The following C16orf89 variants were observed in gnomAD, a reference collection of about 807,000 sequenced individuals.
C16orf89 encodes UPF0764 protein C16orf89.
Under a neutral mutation model 41.5 loss-of-function variants are expected in C16orf89, and 57 were observed. The ratio of observed to expected loss-of-function variants is 1.38; its 90% CI spans 1.11 to 1.71. The LOEUF is 1.71. C16orf89 is among the 40% of genes most tolerant of loss of function. The probability of loss-of-function intolerance (pLI) is 0.00; values close to 1 mark genes in which losing one functional copy is unlikely to be tolerated. For missense variants in C16orf89, 575 were observed against 445.9 expected, an observed-to-expected ratio of 1.29 and a Z score of -2.61; for synonymous variants, 223 against 190.6, an observed-to-expected ratio of 1.17 and a Z score of -1.40.
intron 3 of C16orf89, among the ~76,000 whole-genome samples, chr16:5,059,208 A>T (rs535012897): frequency 6.6e-6 from 1 of 152,118 alleles, no homozygotes; most frequent in East Asian, 2.0e-4. Flanking sequence ...TTGAGATCGC[A>T]TCACTGCACT....
At chr16:5,061,804 G>C (rs1956633002) in intron 2 of C16orf89, among the ~76,000 whole-genome samples, 1 of 152,150 alleles carries the variant, frequency 6.6e-6, no homozygotes, top group South Asian at 2.1e-4. Flanking sequence ...GTGGGGAGCA[G>C]AGGGGACAGG....
chr16:5,054,454 C>T (rs1427545154), intron 6 of C16orf89, among the ~76,000 whole-genome samples: 1 of 152,206 alleles, frequency 6.6e-6, no homozygotes, highest in Non-Finnish European at 1.5e-5. Flanking sequence ...TCCTGGACTT[C>T]TCTTCTTCCT....
At chr16:5,053,401 G>T (rs372613039) in intron 6 of C16orf89, among the ~76,000 whole-genome samples, 1 of 151,816 alleles carries the variant, frequency 6.6e-6, no homozygotes, top group African/African-American at 2.4e-5. Flanking sequence ...TTGAATAGTG[G>T]TTACTAGAGG....
chr16:5,061,478 C>A (rs1596704944), intron 2 of C16orf89, among the ~76,000 whole-genome samples: 1 of 19,212 alleles, frequency 5.2e-5, no homozygotes, highest in South Asian at 2.6e-3. Flanking sequence ...GAGTGAGACA[C>A]TGTCTCAAAA....
At chr16:5,043,648 C>T (rs898852928), downstream of C16orf89, 10 of 152,094 alleles carry the variant, frequency 6.6e-5, no homozygotes, top group African/African-American at 2.4e-4. Context: ...TTTCCAAGAC[C>T]CTTCCTTCTC....
At chr16:5,044,714 C>T (rs763615927) in intron 7 of C16orf89, 39 of 986,000 alleles carry the variant, frequency 4.0e-5, no homozygotes, top group Non-Finnish European at 5.4e-5. Flanking sequence ...TATGGTGGCA[C>T]GCTCCTGTAG....
chr16:5,050,383 A>G (rs1422814866), intron 6 of C16orf89, among the ~76,000 whole-genome samples: 4 of 152,104 alleles, frequency 2.6e-5, no homozygotes, highest in African/African-American at 9.7e-5. Flanking sequence ...AAAAAAAGAA[A>G]ACCTAGTGGA....
At chr16:5,052,829 C>G (rs1364179981) in intron 6 of C16orf89, among the ~76,000 whole-genome samples, 1 of 152,160 alleles carries the variant, frequency 6.6e-6, no homozygotes, top group African/African-American at 2.4e-5. Flanking sequence ...TCTGCACCCC[C>G]ATGTTTATTG....
rs368563305 is a variant in C16orf89 at position 5,062,353 on chromosome 16, C to T, written c.358+72G>A. The T allele has an allele frequency of 1.3e-5, 20 of 1,491,284 alleles. No individual in the cohort carries two copies. The African/African-American group carries it at 1.5e-4, about 11-fold the overall frequency. The allele number at this position is 1,491,284 out of a possible 1,614,324, so 92.4% of individuals were successfully genotyped here. On this transcript the variant is annotated intron_variant, in intron 2 of 7. Coordinates refer to ENST00000472572, the MANE Select transcript of C16orf89 (RefSeq NM_001098514.3). ...CCCAGCCTTGCCCCAGGAGAGCCCA[C>T]GCTGGGTTATTTCAGTCAATATCCC... is the stretch of plus-strand genomic sequence containing the variant.
chr16:5,052,210 G>T (rs1310520306), intron 6 of C16orf89, among the ~76,000 whole-genome samples: 1 of 151,646 alleles, frequency 6.6e-6, no homozygotes, highest in African/African-American at 2.4e-5. Flanking sequence ...TATGAAAAAC[G>T]CTCACTATCC....
intron 6 of C16orf89, among the ~76,000 whole-genome samples, chr16:5,053,893 T>A (rs1567153754): frequency 6.6e-6 from 1 of 152,180 alleles, no homozygotes; most frequent in Non-Finnish European, 1.5e-5. Context: ...CACAAAGAAA[T>A]GACAGATGTT....
intron 6 of C16orf89, among the ~76,000 whole-genome samples, chr16:5,048,946 G>A (rs1200882064): frequency 6.6e-6 from 1 of 151,982 alleles, no homozygotes; most frequent in Non-Finnish European, 1.5e-5. Flanking sequence ...GAAAAAAAAC[G>A]ACCCAACTAT....
chr16:5,054,559 C>T (rs1956454514), intron 6 of C16orf89, among the ~76,000 whole-genome samples: 2 of 152,194 alleles, frequency 1.3e-5, no homozygotes, highest in African/African-American at 4.8e-5. Context: ...CCTCAGGCCT[C>T]TAGTTTTCCC....
chr16:5,063,035 A>C lies in C16orf89; in HGVS notation c.209-461T>G, dbSNP rs185922540. 4.1e-3 allele frequency among the ~76,000 whole-genome samples: 618 copies of C among 152,316 alleles called. 4 individuals are homozygous for C. Among genetic ancestry groups the C allele is most frequent in the Non-Finnish European group, 5.6e-3 (380 of 68,028 alleles). ...CAGCAGATGGCTGTCAAGTGACTTC[A>C]GGAAGGAAGTGCCTTTTTCTAATTC... On this transcript the variant is annotated intron_variant, in intron 1 of 7. Transcript: ENST00000472572.
chr16:5,044,623 C>G, intron 7 of C16orf89, 145 bp from the exon 8 acceptor site: 1 of 1,451,190 alleles, frequency 6.9e-7, no homozygotes, highest in South Asian at 1.2e-5. Context: ...GGGCGGATCT[C>G]TTGAGATCAG....
intron 6 of C16orf89, among the ~76,000 whole-genome samples, chr16:5,049,135 G>A (rs927982645): frequency 5.9e-5 from 9 of 152,184 alleles, no homozygotes; most frequent in African/African-American, 2.2e-4. Flanking sequence ...ATTATATAAT[G>A]ATAAGGAATT....
intron 1 of C16orf89, among the ~76,000 whole-genome samples, 177 bp from the exon 2 acceptor site, chr16:5,062,751 T>C (rs1956654986): frequency 6.6e-6 from 1 of 151,708 alleles, no homozygotes; most frequent in Non-Finnish European, 1.5e-5. Context: ...AGGATGGGGG[T>C]GATCTGGGCA....
At chr16:5,052,918 C>G (rs1596690351) in intron 6 of C16orf89, among the ~76,000 whole-genome samples, 1 of 152,194 alleles carries the variant, frequency 6.6e-6, no homozygotes. Context: ...ATGTGGTACA[C>G]AGACCCAATG....
At chr16:5,055,388 C>G in intron 5 of C16orf89, 38 bp from the exon 6 acceptor site, 1 of 1,501,776 alleles carries the variant, frequency 6.7e-7, no homozygotes, top group African/African-American at 1.4e-5. Context: ...AGGCCTGCCC[C>G]CCAGGCCCAC....
Sources: gnomAD v4.1 joint callset for allele counts (sites outside exome capture counted in the v4.1 genomes callset) on GRCh38, gnomAD v4.1.1 for gene constraint, MANE v1.5 for transcripts, NCBI Gene and HGNC (gene_info 2026-07-23, HGNC 2026-07-21) for gene names.